PAK2: variants seen among roughly 807,000 people sequenced by gnomAD.
PAK2 encodes the protein serine/threonine-protein kinase PAK 2.
In PAK2, 21 loss-of-function variants were observed where a neutral mutation model predicts 65.9. That is an observed-to-expected ratio of 0.32 (90% CI 0.23 to 0.46). The LOEUF is 0.46. PAK2 is among the 20% of genes least tolerant of loss of function. The probability of loss-of-function intolerance (pLI) is 1.00; values close to 1 mark genes in which losing one functional copy is unlikely to be tolerated. For missense variants in PAK2, 324 were observed against 642.6 expected (o/e 0.50, Z 5.36); for synonymous variants, 204 against 219.7 (o/e 0.93, Z 0.63).
rs1361100196 is a variant in PAK2, at chr3:196,811,197, T to TCCCTCCCTTCCCTCCCTTC, written c.773+546_773+547insCTCCCTTCCCTCCCTTCCC. ...TTTGAAAACTTCCATATGAATTCCT[T>TCCCTCCCTTCCCTCCCTTC]CCTCCCTTCCTTCCCTTCCCTCCCT... On this transcript the variant is annotated intron_variant, in intron 8 of 14. Transcript: ENST00000327134. Among the ~76,000 whole-genome samples the TCCCTCCCTTCCCTCCCTTC allele has an allele frequency of 9.4e-4, 8 of 8,542 alleles. 2 individuals are homozygous for TCCCTCCCTTCCCTCCCTTC. The highest frequency in any genetic ancestry group is 8.1e-3 in the Admixed American group (4 of 494). The allele number at this position is 8,542 out of a possible 152,430, so 5.6% of individuals were successfully genotyped here.
intron 14 of PAK2, among the ~76,000 whole-genome samples, chr3:196,828,003 G>A (rs893809655): frequency 8.7e-6 from 1 of 115,054 alleles, no homozygotes; most frequent in Middle Eastern, 4.9e-3. Context: ...TTTGTGCATC[G>A]TATCAATCCT....
At chr3:196,821,178 ATTATCAG>A (rs1220261670) in intron 13 of PAK2, among the ~76,000 whole-genome samples, 1 of 152,024 alleles carries the variant, frequency 6.6e-6, no homozygotes, top group East Asian at 1.9e-4. Flanking sequence ...GTGGCTCAAC[ATTATCAG>A]TTATTAAGGA....
chr3:196,807,503 T>A (rs1299086623), intron 6 of PAK2, among the ~76,000 whole-genome samples: 4 of 152,198 alleles, frequency 2.6e-5, no homozygotes, highest in Non-Finnish European at 5.9e-5. Flanking sequence ...TACATTGTTA[T>A]ACCATTTTAG....
chr3:196,815,489 C>CAA (rs796383290), intron 11 of PAK2, among the ~76,000 whole-genome samples: 13 of 96,224 alleles, frequency 1.4e-4, no homozygotes, highest in South Asian at 3.8e-4. Context: ...AAGATTGTCT[C>CAA]AAAAAAAAAA....
chr3:196,819,552 C>T (rs1022253306), intron 12 of PAK2, among the ~76,000 whole-genome samples: 6 of 152,008 alleles, frequency 3.9e-5, no homozygotes, highest in African/African-American at 1.5e-4. Flanking sequence ...TAATACAAAC[C>T]AAACCGTTCA....
intron 13 of PAK2, among the ~76,000 whole-genome samples, chr3:196,821,617 A>T (rs1451015034): frequency 6.6e-6 from 1 of 151,370 alleles, no homozygotes; most frequent in African/African-American, 2.4e-5. Context: ...CAGGAGGCGG[A>T]GGTTGCAGTG....
At chr3:196,762,578 C>G (rs1049933855) in intron 1 of PAK2, among the ~76,000 whole-genome samples, 2 of 149,846 alleles carry the variant, frequency 1.3e-5, no homozygotes, top group Admixed American at 6.6e-5. Flanking sequence ...CGCAGGCACT[C>G]GGCAGGCTGA....
At chr3:196,759,489 GTTTTTTTTGTTTTTTTTTTTT>G (rs1713878711) in intron 1 of PAK2, among the ~76,000 whole-genome samples, 4 of 98,882 alleles carry the variant, frequency 4.0e-5, no homozygotes, top group Admixed American at 1.2e-4. Flanking sequence ...CAGTTAAGTG[GTTTTTTTTGTTTTTTTTTTTT>G]TTTTTTTTTT....
chr3:196,781,041 GC>G (rs1714694376), intron 1 of PAK2, among the ~76,000 whole-genome samples: 1 of 152,158 alleles, frequency 6.6e-6, no homozygotes, highest in Admixed American at 6.5e-5. Flanking sequence ...ACCCGCCTCG[GC>G]CTCCCAAAGT....
chr3:196,741,652 A>G (rs1713196281), intron 1 of PAK2, among the ~76,000 whole-genome samples: 1 of 152,194 alleles, frequency 6.6e-6, no homozygotes, highest in Non-Finnish European at 1.5e-5. Context: ...TAAGTAGCCC[A>G]TTGTTACCTT....
At chr3:196,751,816 C>G (rs549610494) in intron 1 of PAK2, among the ~76,000 whole-genome samples, 45 of 143,436 alleles carry the variant, frequency 3.1e-4, no homozygotes, top group African/African-American at 1.2e-3. Flanking sequence ...AGTCTCAGCT[C>G]ACTGCAACCT....
intron 2 of PAK2, 144 bp downstream of exon 2, chr3:196,782,977 T>C (rs932076567): frequency 4.4e-6 from 2 of 455,266 alleles, no homozygotes; most frequent in African/African-American, 2.0e-5. Flanking sequence ...AAAAGACTAG[T>C]TTATTTTAAA....
chr3:196,789,790 A>G (rs4916548), intron 2 of PAK2, among the ~76,000 whole-genome samples: 45,597 of 151,778 alleles, frequency 0.3, 7,598 homozygotes, highest in African/African-American at 0.43. Flanking sequence ...TGTGGGGCTG[A>G]CGGGGGGGTG....
At position 196,831,089 on chromosome 3, in the gene PAK2, C is replaced by T. The variant is rs1184821729; in HGVS notation, c.*2684C>T. 1.3e-5 allele frequency: 2 copies of T among 152,148 alleles called. No homozygotes were observed. The highest frequency in any genetic ancestry group is 2.9e-5 in the Non-Finnish European group (2 of 68,042). The allele number at this position is 152,148 out of a possible 1,614,324, so 9.4% of individuals were successfully genotyped here. On this transcript the variant is annotated 3_prime_UTR_variant, in exon 15 of 15. Coordinates refer to ENST00000327134, the MANE Select transcript of PAK2 (RefSeq NM_002577.4). ...TTTTAGTAGAGACAGAGTCTCACCA[C>T]ATTGCCCAGGCTGGTCTCCAACTCC...
intron 1 of PAK2, among the ~76,000 whole-genome samples, chr3:196,751,363 A>G (rs1346228567): frequency 6.6e-6 from 1 of 151,958 alleles, no homozygotes; most frequent in African/African-American, 2.4e-5. Context: ...TATTTAAAAT[A>G]TTGGCCAAGC....
At chr3:196,809,804 C>A (rs1715715257) in intron 7 of PAK2, among the ~76,000 whole-genome samples, 1 of 151,858 alleles carries the variant, frequency 6.6e-6, no homozygotes, top group African/African-American at 2.4e-5. Context: ...GGTTGGGTAC[C>A]TACATAAAAC....
intron 7 of PAK2, among the ~76,000 whole-genome samples, chr3:196,810,303 T>A (rs924852202): frequency 6.6e-6 from 1 of 152,110 alleles, no homozygotes; most frequent in African/African-American, 2.4e-5. Flanking sequence ...GTGACCATTA[T>A]TGAGCAAATG....
chr3:196,775,417 CTG>C (rs1042231501), intron 1 of PAK2, among the ~76,000 whole-genome samples: 2 of 152,124 alleles, frequency 1.3e-5, no homozygotes, highest in African/African-American at 4.8e-5. Flanking sequence ...GAATCTCACT[CTG>C]TGGCCCAGGC....
intron 1 of PAK2, among the ~76,000 whole-genome samples, chr3:196,772,915 G>A (rs1714405419): frequency 1.3e-5 from 2 of 152,164 alleles, no homozygotes; most frequent in South Asian, 4.1e-4. Context: ...AAATAAAAAT[G>A]CTTTTTAAAT....
Sources: gnomAD v4.1 joint callset for allele counts (sites outside exome capture counted in the v4.1 genomes callset) on GRCh38, gnomAD v4.1.1 for gene constraint, MANE v1.5 for transcripts, NCBI Gene and HGNC (gene_info 2026-07-23, HGNC 2026-07-21) for gene names.